Variants in PLEKHG4B observed in about 807,000 individuals in gnomAD.
PLEKHG4B encodes pleckstrin homology domain-containing family G member 4B.
A neutral mutation model predicts 121.3 loss-of-function variants in PLEKHG4B; 111 were observed. The observed-to-expected ratio is 0.92, with a 90% confidence interval of 0.78 to 1.07. The LOEUF is 1.07. PLEKHG4B is among the 50% of genes least tolerant of loss of function. The pLI is 0.00. For missense variants in PLEKHG4B, 1,831 were observed against 1,757.8 expected, an observed-to-expected ratio of 1.04 and a Z score of -0.74; for synonymous variants, 738 against 725.0, an observed-to-expected ratio of 1.02 and a Z score of -0.29.
rs544997977 is a variant in PLEKHG4B at position 108,761 on chromosome 5, T to TG, written c.46-4488dup. Among the ~76,000 whole-genome samples the TG allele has an allele frequency of 4.1e-5, 6 of 147,652 alleles. No individual in the cohort carries two copies. The South Asian group carries it at 1.3e-3, about 31-fold the overall frequency. ...TGTAGACAGACTGGGTGCAGATGGC[T>TG]GGTGTAGACAGACTGGGTGCAGATG... On this transcript the variant is annotated intron_variant, in intron 1 of 19. Transcript: ENST00000637938.
rs1560940434 is a variant in PLEKHG4B at position 161,936 on chromosome 5, T to C, written c.2641T>C (p.Cys881Arg). The C allele has an allele frequency of 4.3e-6, 7 of 1,610,400 alleles. No individual in the cohort carries two copies. The highest frequency in any genetic ancestry group is 4.5e-5 in the East Asian group (2 of 44,826). ...LARWTRSSEL[C>R]ETVSSWMGPL... ...CAGGTGGACCCGCTCGTCCGAGTTGTGCGAGACGGTAAGAGACCCAGTGGG... is the reference window on the plus strand; with the variant it reads ...CAGGTGGACCCGCTCGTCCGAGTTGCGCGAGACGGTAAGAGACCCAGTGGG... The change falls in exon 12 of 20, where the codon TGC becomes CGC. Residue 881 changes from cysteine to arginine, a missense_variant. Coordinates refer to ENST00000637938, the MANE Select transcript of PLEKHG4B (RefSeq NM_052909.5).
intron 1 of PLEKHG4B, among the ~76,000 whole-genome samples, chr5:95,196 A>C (rs1008510729): frequency 2.0e-5 from 3 of 152,180 alleles, no homozygotes; most frequent in African/African-American, 4.8e-5. Context: ...TTTCTTTTAC[A>C]TGTTAAAACT....
intron 1 of PLEKHG4B, among the ~76,000 whole-genome samples, chr5:97,918 A>G (rs563697089): frequency 2.1e-4 from 32 of 152,224 alleles, no homozygotes; most frequent in African/African-American, 7.7e-4. Flanking sequence ...GCACAGGTGC[A>G]ATTTCCCCAC....
intron 18 of PLEKHG4B, among the ~76,000 whole-genome samples, chr5:178,195 AT>A (rs1736821730): frequency 6.6e-6 from 1 of 152,202 alleles, no homozygotes; most frequent in Non-Finnish European, 1.5e-5. Flanking sequence ...CCTGCCTTCA[AT>A]TAACACTTTA....
chr5:140,759 C>G, intron 3 of PLEKHG4B, 43 bp downstream of exon 3: 1 of 1,468,972 alleles, frequency 6.8e-7, no homozygotes, highest in East Asian at 2.4e-5. Context: ...CCCACAACCT[C>G]CCCTACACAT....
Position 162,905 on chromosome 5 carries a change from C to T in PLEKHG4B, c.2833C>T (p.Leu945=), listed in dbSNP as rs372333554. 416 of 1,534,984 alleles carry T rather than the reference C, an allele frequency of 2.7e-4. No individual in the cohort carries two copies. Among genetic ancestry groups the T allele is most frequent in the Non-Finnish European group, 3.5e-4 (394 of 1,140,132 alleles). ...KPWASQQDLW[L]QYPQTRLRLE... is the part of the protein sequence containing the mutation. ...GTGGGCATCACAGCAAGACCTGTGG[C>T]TGCAGTACCCCCAGACCCGGCTCCG... The change falls in exon 13 of 20, where the codon CTG becomes TTG. Residue 945 remains leucine, a synonymous_variant. Coordinates refer to ENST00000637938, the MANE Select transcript of PLEKHG4B (RefSeq NM_052909.5).
chr5:109,809 G>T (rs529476089), intron 1 of PLEKHG4B, among the ~76,000 whole-genome samples: 9 of 152,214 alleles, frequency 5.9e-5, no homozygotes, highest in Non-Finnish European at 1.2e-4. Context: ...AGAGTTCAGG[G>T]CAAAGCTCAG....
intron 2 of PLEKHG4B, among the ~76,000 whole-genome samples, chr5:123,734 A>T (rs1370223678): frequency 6.6e-6 from 1 of 152,146 alleles, no homozygotes; most frequent in Non-Finnish European, 1.5e-5. Flanking sequence ...TGATTTTAGT[A>T]ACATGAATCT....
In PLEKHG4B at chr5:161,787, C is replaced by G. The variant is rs754394966; in HGVS notation, c.2492C>G (p.Ser831Cys). The stretch of plus-strand genomic sequence containing the variant: ...TGCTTTGTTCCTTGGGTACAGCAAT[C>G]CTGCCAGAAAGGACTACAGCTGGCG... Reference protein sequence around the residue: ...ASLLEGNDQQSCQKGLQLAKE... With the variant: ...ASLLEGNDQQCCQKGLQLAKE... The change falls in exon 12 of 20, where the codon TCC (serine) becomes TGC (cysteine). Residue 831 changes from serine (S) to cysteine (C), a missense_variant. By Grantham distance (112) the Ser-to-Cys change is moderately radical. Transcript: ENST00000637938. The G allele has an allele frequency of 1.2e-6, 2 of 1,613,624 alleles. No individual in the cohort carries two copies. The highest frequency in any genetic ancestry group is 1.7e-6 in the Non-Finnish European group (2 of 1,180,012).
intron 2 of PLEKHG4B, among the ~76,000 whole-genome samples, chr5:119,964 C>T (rs1734420253): frequency 6.6e-6 from 1 of 152,172 alleles, no homozygotes. Flanking sequence ...GTCACATGGG[C>T]TGGGTGCACT....
At chr5:102,158 G>T (rs1733839167) in intron 1 of PLEKHG4B, among the ~76,000 whole-genome samples, 1 of 151,924 alleles carries the variant, frequency 6.6e-6, no homozygotes, top group African/African-American at 2.4e-5. Context: ...GTAGGGGAGA[G>T]ACTGCTGTGA....
intron 6 of PLEKHG4B, among the ~76,000 whole-genome samples, chr5:149,370 C>CT (rs1472141084): frequency 1.3e-5 from 2 of 151,356 alleles, no homozygotes; most frequent in Non-Finnish European, 2.9e-5. Context: ...TAGTAAGACT[C>CT]TGTCTCTATG....
At chr5:95,569 T>C (rs1733607011) in intron 1 of PLEKHG4B, among the ~76,000 whole-genome samples, 2 of 152,164 alleles carry the variant, frequency 1.3e-5, no homozygotes, top group Non-Finnish European at 2.9e-5. Flanking sequence ...CCTTCCTCTC[T>C]GGTAAAGCCC....
chr5:96,255 G>T (rs1733624127), intron 1 of PLEKHG4B, among the ~76,000 whole-genome samples: 1 of 152,186 alleles, frequency 6.6e-6, no homozygotes, highest in South Asian at 2.1e-4. Flanking sequence ...GTACTTTGCA[G>T]TGTGTGGAGC....
chr5:171,307 G>GACCT lies in PLEKHG4B; in HGVS notation c.3914_3917dup (p.Leu1307ProfsTer34). ...GGCCAAGTACGCGCTGCTACTCCAG[G>GACCT]ACCTGCTCAAGGAGGCCAGCTGTGG... On this transcript the variant is annotated frameshift_variant, in exon 16 of 20. Coordinates refer to ENST00000637938, the MANE Select transcript of PLEKHG4B (RefSeq NM_052909.5). LOFTEE classifies it high-confidence loss of function. 4 of 1,612,524 alleles carry GACCT rather than the reference G, an allele frequency of 2.5e-6. No individual in the cohort carries two copies. Among genetic ancestry groups the GACCT allele is most frequent in the Non-Finnish European group, 3.4e-6 (4 of 1,179,764 alleles).
At chr5:146,488 C>T (rs1735420033) in intron 6 of PLEKHG4B, among the ~76,000 whole-genome samples, 2 of 148,658 alleles carry the variant, frequency 1.3e-5, no homozygotes, top group Non-Finnish European at 3.0e-5. Context: ...CTCTCCTCCC[C>T]TCCACACAGT....
At position 163,250 on chromosome 5, in the gene PLEKHG4B, T is replaced by C. The variant is rs1285242273; in HGVS notation, c.3178T>C (p.Ser1060Pro). 2.5e-5 allele frequency: 40 copies of C among 1,611,198 alleles called. No individual in the cohort carries two copies. In the East Asian group the frequency reaches 7.4e-4, roughly 30 times the overall value. ...TAHLEDSSAC[S>P]SEPTQTLASR... ...CCACCTGGAGGACAGCTCTGCCTGT[T>C]CCTCTGAGCCCACCCAGACCCTGGC... Residue 1060 changes from serine to proline, a missense_variant, in exon 13 of 20, where the codon TCC (serine) becomes CCC (proline). Coordinates refer to ENST00000637938, the MANE Select transcript of PLEKHG4B (RefSeq NM_052909.5).
chr5:154,992 G>T lies in PLEKHG4B; in HGVS notation c.2109+1G>T. 1 of 1,610,018 alleles carries T rather than the reference G, an allele frequency of 6.2e-7. No individual in the cohort carries two copies. The highest frequency in any genetic ancestry group is 8.5e-7 in the Non-Finnish European group (1 of 1,177,996). ...TGGTGACTGGATCTGCTTCCGTCAGGTAGGTTCAGCCTGCAGCTGCTGCAC... is the reference window on the plus strand; with the variant it reads ...TGGTGACTGGATCTGCTTCCGTCAGTTAGGTTCAGCCTGCAGCTGCTGCAC... On this transcript the variant is annotated splice_donor_variant, in intron 8 of 19. Transcript: ENST00000637938. LOFTEE classifies it high-confidence loss of function.
Position 132,008 on chromosome 5 carries a change from A to G in PLEKHG4B, c.244-7475A>G, listed in dbSNP as rs146266444. On this transcript the variant is annotated intron_variant, in intron 2 of 19. Transcript: ENST00000637938. ...AACAAAATACCCTAGGAATAAAAGG[A>G]AACTATCTCAACATAATAAAAGCCA... Among the ~76,000 whole-genome samples the G allele has an allele frequency of 2.8e-3, 426 of 152,340 alleles. 5 individuals carry two copies. The highest frequency in any genetic ancestry group is 9.7e-3 in the African/African-American group (402 of 41,574).
Sources: gnomAD v4.1 joint callset for allele counts (sites outside exome capture counted in the v4.1 genomes callset) on GRCh38, gnomAD v4.1.1 for gene constraint, MANE v1.5 for transcripts, NCBI Gene and HGNC (gene_info 2026-07-23, HGNC 2026-07-21) for gene names.